Variants in COL25A1 observed in about 807,000 individuals in gnomAD.
The protein encoded by COL25A1 is collagen alpha-1(XXV) chain.
A neutral mutation model predicts 128.4 loss-of-function variants in COL25A1; 103 were observed. The observed-to-expected ratio is 0.80, with a 90% confidence interval of 0.68 to 0.94. The LOEUF (loss-of-function observed/expected upper bound fraction) is 0.94. Among genes scored for constraint, COL25A1 ranks in the 40% least tolerant of loss-of-function variants. COL25A1 has a pLI of 0.00. For missense variants in COL25A1, 745 were observed against 840.0 expected (o/e 0.89, Z 1.40); for synonymous variants, 279 against 277.2 (o/e 1.01, Z -0.06).
Position 108,917,018 on chromosome 4 carries a change from T to C in COL25A1, c.780+1154A>G, listed in dbSNP as rs144753371. ...GTGAAGGAAAAGTTTAATGGTAATATCAAATACTGTCTAAGGGCTTTACAT... is the reference window on the plus strand; with the variant it reads ...GTGAAGGAAAAGTTTAATGGTAATACCAAATACTGTCTAAGGGCTTTACAT... On this transcript the variant is annotated intron_variant, in intron 13 of 37. Coordinates refer to ENST00000399132, the MANE Select transcript of COL25A1 (RefSeq NM_198721.4). 2.3e-3 allele frequency among the ~76,000 whole-genome samples: 349 copies of C among 152,262 alleles called. 2 individuals are homozygous for C. The highest frequency in any genetic ancestry group is 8.1e-3 in the African/African-American group (337 of 41,546).
In COL25A1 at chr4:108,912,330, TA is replaced by T. The variant is rs199510181; in HGVS notation, c.780+5841del. 9.2e-4 allele frequency among the ~76,000 whole-genome samples: 140 copies of T among 152,282 alleles called. 4 individuals carry two copies. In the East Asian group the frequency reaches 0.025, roughly 27 times the overall value. On this transcript the variant is annotated intron_variant, in intron 13 of 37. Coordinates refer to ENST00000399132, the MANE Select transcript of COL25A1 (RefSeq NM_198721.4). ...AAATGGTCACGTACTCTTGGAATTC[TA>T]ATCTATACAATTATTAATGTTAAAA... is the stretch of plus-strand genomic sequence containing the variant.
intron 8 of COL25A1, chr4:108,942,321 A>T (rs1748211084): frequency 2.0e-6 from 3 of 1,490,594 alleles, no homozygotes; most frequent in African/African-American, 1.4e-5. Flanking sequence ...TCACACAGAC[A>T]TTTCACTAGG....
intron 3 of COL25A1, among the ~76,000 whole-genome samples, chr4:109,144,557 G>T (rs1436808949): frequency 6.6e-6 from 1 of 152,236 alleles, no homozygotes; most frequent in African/African-American, 2.4e-5. Context: ...ATAAGCCCCT[G>T]ACTAGGGCTG....
In COL25A1 at chr4:109,085,630, C is replaced by G. The variant is rs141490214; in HGVS notation, c.368-35451G>C. ...CAAAAAGCCATCAAGGGATAGAATGCAAAAACTTTTGTCTAGCATTCAGTG... is the reference window on the plus strand; with the variant it reads ...CAAAAAGCCATCAAGGGATAGAATGGAAAAACTTTTGTCTAGCATTCAGTG... On this transcript the variant is annotated intron_variant, in intron 3 of 37. Transcript: ENST00000399132. Among the ~76,000 whole-genome samples the G allele has an allele frequency of 8.6e-3, 1,311 of 152,236 alleles. 5 individuals carry two copies. Among genetic ancestry groups the G allele is most frequent in the Non-Finnish European group, 0.015 (993 of 68,016 alleles).
intron 3 of COL25A1, among the ~76,000 whole-genome samples, chr4:109,056,371 T>G (rs1484419735): frequency 6.6e-6 from 1 of 152,184 alleles, no homozygotes; most frequent in Non-Finnish European, 1.5e-5. Context: ...AATAAAGTTA[T>G]GAATATTTAC....
chr4:108,819,589 T>A (rs1235813082), intron 35 of COL25A1, among the ~76,000 whole-genome samples: 3 of 152,136 alleles, frequency 2.0e-5, no homozygotes, highest in Admixed American at 2.0e-4. Context: ...CAGGTTCCAA[T>A]TGTGCCGTGA....
At chr4:108,998,585 T>G (rs1318114379) in intron 6 of COL25A1, among the ~76,000 whole-genome samples, 1 of 152,154 alleles carries the variant, frequency 6.6e-6, no homozygotes, top group African/African-American at 2.4e-5. Flanking sequence ...AGGCTACCAA[T>G]GACTTTCTTC....
At chr4:109,115,531 C>G (rs1018934688) in intron 3 of COL25A1, among the ~76,000 whole-genome samples, 2 of 152,154 alleles carry the variant, frequency 1.3e-5, no homozygotes, top group Admixed American at 1.3e-4. Flanking sequence ...GGGATGGTCA[C>G]AACATCAATT....
chr4:108,924,952 G>A, intron 11 of COL25A1, among the ~76,000 whole-genome samples: 1 of 152,112 alleles, frequency 6.6e-6, no homozygotes, highest in East Asian at 1.9e-4. Flanking sequence ...GTTCTCCAAA[G>A]CACCCCTATG....
intron 3 of COL25A1, among the ~76,000 whole-genome samples, chr4:109,214,442 A>G (rs1361495651): frequency 6.6e-6 from 1 of 152,126 alleles, no homozygotes; most frequent in Non-Finnish European, 1.5e-5. Context: ...TATGTACAGT[A>G]ACACTAAGAA....
rs1759214182 is a variant in COL25A1, at chr4:109,035,075, T to TA, written c.420+13092dup. Among the ~76,000 whole-genome samples, 20 of 152,266 alleles carry TA rather than the reference T, an allele frequency of 1.3e-4. No individual in the cohort carries two copies. In the South Asian group the frequency reaches 4.1e-3, roughly 32 times the overall value. ...AAAGTATTTAAAAGCATACCCAGCA[T>TA]AGGGTGAGACAAGTTGAGAAAATAT... On this transcript the variant is annotated intron_variant, in intron 5 of 37. Coordinates refer to ENST00000399132, the MANE Select transcript of COL25A1 (RefSeq NM_198721.4).
rs1216799485 is a variant in COL25A1, at chr4:108,825,236, A to G, written c.1765-14T>C. The G allele has an allele frequency of 3.7e-6, 6 of 1,610,100 alleles. No individual in the cohort carries two copies. In the African/African-American group the frequency reaches 6.7e-5, roughly 18 times the overall value. On this transcript the variant is annotated splice_polypyrimidine_tract_variant and intron_variant, in intron 33 of 37. Transcript: ENST00000399132. ...TCCATCTTTCCCCTGCCAAAGAACC[A>G]TAGTAGCTACATTAGTGTTTCTAAG...
At chr4:109,163,623 G>C (rs1283221197) in intron 3 of COL25A1, among the ~76,000 whole-genome samples, 1 of 152,182 alleles carries the variant, frequency 6.6e-6, no homozygotes, top group African/African-American at 2.4e-5. Context: ...AATGGCTAAA[G>C]GTGTTTTCTG....
chr4:108,977,024 A>G (rs1752504758), intron 6 of COL25A1, among the ~76,000 whole-genome samples: 1 of 152,242 alleles, frequency 6.6e-6, no homozygotes, highest in Non-Finnish European at 1.5e-5. Flanking sequence ...AAAGGACTTT[A>G]ACCCAGTATG....
At chr4:109,022,601 C>T (rs1757877205) in intron 5 of COL25A1, among the ~76,000 whole-genome samples, 1 of 152,138 alleles carries the variant, frequency 6.6e-6, no homozygotes, top group Non-Finnish European at 1.5e-5. Flanking sequence ...CCAGTTCCAA[C>T]ACTTGAAAAT....
chr4:109,251,201 A>G (rs1447177668), intron 3 of COL25A1, among the ~76,000 whole-genome samples: 1 of 152,210 alleles, frequency 6.6e-6, no homozygotes, highest in Non-Finnish European at 1.5e-5. Context: ...ATAAAGAGGA[A>G]ATAGGATAAC....
intron 3 of COL25A1, among the ~76,000 whole-genome samples, chr4:109,141,103 G>A (rs183592983): frequency 5.3e-5 from 8 of 152,120 alleles, no homozygotes; most frequent in Non-Finnish European, 1.0e-4. Flanking sequence ...TTTGAGATAT[G>A]TTCCATCAAT....
At chr4:108,894,092 G>A (rs1741856910) in intron 16 of COL25A1, among the ~76,000 whole-genome samples, 1 of 152,068 alleles carries the variant, frequency 6.6e-6, no homozygotes, top group Admixed American at 6.5e-5. Flanking sequence ...TATTTATTGA[G>A]AGTTTATTAT....
At chr4:109,150,061 T>C (rs1025325529) in intron 3 of COL25A1, among the ~76,000 whole-genome samples, 1 of 151,420 alleles carries the variant, frequency 6.6e-6, no homozygotes, top group African/African-American at 2.4e-5. Flanking sequence ...TGAGTATGTA[T>C]GCAGTGTGTA....
Sources: gnomAD v4.1 joint callset for allele counts (sites outside exome capture counted in the v4.1 genomes callset) on GRCh38, gnomAD v4.1.1 for gene constraint, MANE v1.5 for transcripts, NCBI Gene and HGNC (gene_info 2026-07-23, HGNC 2026-07-21) for gene names.